Variants in GNG7 observed in about 807,000 individuals in gnomAD.
GNG7 encodes guanine nucleotide-binding protein G(I)/G(S)/G(O) subunit gamma-7.
Under a neutral mutation model 4.0 loss-of-function variants are expected in GNG7, and 1 was observed. The ratio of observed to expected loss-of-function variants is 0.25; its 90% CI spans 0.09 to 1.18. The LOEUF (loss-of-function observed/expected upper bound fraction) is 1.18, where lower values mean the gene tolerates loss of function less well. Ranked by LOEUF, GNG7 falls within the 50% of genes most tolerant of loss-of-function variation. The probability of loss-of-function intolerance (pLI) is 0.50; values close to 1 mark genes in which losing one functional copy is unlikely to be tolerated. For synonymous variants in GNG7, 34 were observed against 36.9 expected (o/e 0.92, Z 0.29); for missense variants, 86 against 91.9 (o/e 0.94, Z 0.26).
chr19:2,527,783 C>CG (rs1978456202), intron 3 of GNG7, among the ~76,000 whole-genome samples: 1 of 151,776 alleles, frequency 6.6e-6, no homozygotes, highest in African/African-American at 2.4e-5. Flanking sequence ...AACCCCCCCC[C>CG]CCACCAGTGC....
At chr19:2,571,232 C>A (rs1980136325) in intron 2 of GNG7, among the ~76,000 whole-genome samples, 1 of 152,304 alleles carries the variant, frequency 6.6e-6, no homozygotes, top group South Asian at 2.1e-4. Flanking sequence ...GGGGGCCTCT[C>A]CAGCACAGAT....
chr19:2,647,659 T>C (rs12462530), intron 1 of GNG7, among the ~76,000 whole-genome samples: 74,828 of 151,854 alleles, frequency 0.49, 18,495 homozygotes, highest in African/African-American at 0.54. Flanking sequence ...TCAAGGTTGC[T>C]GTGAGCTAGG....
intron 2 of GNG7, among the ~76,000 whole-genome samples, chr19:2,589,170 C>T (rs992045142): frequency 1.3e-4 from 19 of 151,966 alleles, no homozygotes; most frequent in Middle Eastern, 3.4e-3. Context: ...TCAGGTGATC[C>T]GCCTGCCTCA....
chr19:2,552,708 A>G (rs952402562), intron 3 of GNG7, among the ~76,000 whole-genome samples: 2 of 151,678 alleles, frequency 1.3e-5, no homozygotes, highest in African/African-American at 4.8e-5. Flanking sequence ...GTTGCAGGAA[A>G]CAAGCTCCGG....
In GNG7 at chr19:2,657,362, ATATATAT is replaced by A. The variant is rs1238173568; in HGVS notation, c.-134-11089_-134-11083del. 1.8e-3 allele frequency among the ~76,000 whole-genome samples: 19 copies of A among 10,754 alleles called. 3 individuals are homozygous for A. The highest frequency in any genetic ancestry group is 0.016 in the East Asian group (1 of 62). The allele number at this position is 10,754 out of a possible 152,430, so 7.1% of individuals were successfully genotyped here. A position where few individuals can be genotyped will look rare whatever the true frequency, so the allele number is the denominator to read the frequency against. On this transcript the variant is annotated intron_variant, in intron 1 of 4. Transcript: ENST00000382159. The stretch of plus-strand genomic sequence containing the variant: ...TAAAAAAAAAAAAAAAAAAAAAAAA[ATATATAT>A]ATATATATATATATATATATATATA...
chr19:2,553,862 A>G (rs536377760), intron 3 of GNG7, among the ~76,000 whole-genome samples: 1 of 138,672 alleles, frequency 7.2e-6, no homozygotes, highest in Non-Finnish European at 1.6e-5. Context: ...TACATATTAT[A>G]TGTAACATTG....
intron 1 of GNG7, among the ~76,000 whole-genome samples, chr19:2,669,248 T>C (rs1308307058): frequency 6.6e-6 from 1 of 152,118 alleles, no homozygotes; most frequent in East Asian, 1.9e-4. Context: ...TCCCAGCACT[T>C]TGGGAGGCTA....
chr19:2,697,037 C>T (rs1244757084), intron 1 of GNG7, among the ~76,000 whole-genome samples: 4 of 152,120 alleles, frequency 2.6e-5, no homozygotes, highest in Non-Finnish European at 5.9e-5. Context: ...GACAGGGTTT[C>T]GCCATGTTGG....
At chr19:2,595,504 CG>C (rs1980990071) in intron 2 of GNG7, among the ~76,000 whole-genome samples, 2 of 151,928 alleles carry the variant, frequency 1.3e-5, no homozygotes, top group Non-Finnish European at 2.9e-5. Flanking sequence ...GAGGCCGAGG[CG>C]GGTGGATTGC....
At chr19:2,663,320 C>G (rs1983224759) in intron 1 of GNG7, among the ~76,000 whole-genome samples, 1 of 151,910 alleles carries the variant, frequency 6.6e-6, no homozygotes, top group African/African-American at 2.4e-5. Flanking sequence ...CTCTTTCTCT[C>G]TCCCTCTCAC....
intron 1 of GNG7, among the ~76,000 whole-genome samples, chr19:2,686,980 C>T (rs1479660109): frequency 6.6e-6 from 1 of 151,422 alleles, no homozygotes; most frequent in Non-Finnish European, 1.5e-5. Context: ...TCTCGATCTC[C>T]TGACCTCGTG....
chr19:2,550,961 C>T (rs991083393), intron 3 of GNG7, among the ~76,000 whole-genome samples: 1 of 152,148 alleles, frequency 6.6e-6, no homozygotes, highest in Admixed American at 6.5e-5. Flanking sequence ...CAGGGCCCGA[C>T]GAGAGCTGCC....
intron 2 of GNG7, among the ~76,000 whole-genome samples, chr19:2,620,083 G>A (rs1981825849): frequency 6.6e-6 from 1 of 151,790 alleles, no homozygotes; most frequent in Non-Finnish European, 1.5e-5. Context: ...TGTATTCGCA[G>A]CTACTTGGGA....
intron 1 of GNG7, among the ~76,000 whole-genome samples, chr19:2,681,129 GC>G (rs1279246239): frequency 1.3e-5 from 2 of 151,656 alleles, no homozygotes; most frequent in African/African-American, 4.8e-5. Flanking sequence ...CTACAGGTGT[GC>G]CCCAGCAGGC....
intron 1 of GNG7, among the ~76,000 whole-genome samples, chr19:2,661,416 G>A (rs560478750): frequency 4.9e-4 from 75 of 151,820 alleles, no homozygotes; most frequent in Non-Finnish European, 1.0e-3. Context: ...CAGCACTCTG[G>A]GAGGCCAAGG....
chr19:2,655,157 C>G (rs1982932636), intron 1 of GNG7, among the ~76,000 whole-genome samples: 1 of 149,572 alleles, frequency 6.7e-6, no homozygotes, highest in Admixed American at 6.7e-5. Context: ...CCACTGCACT[C>G]CAGGCTGGGT....
At chr19:2,642,238 C>G (rs1982527428) in intron 2 of GNG7, 1 of 172,706 alleles carries the variant, frequency 5.8e-6, no homozygotes, top group Admixed American at 5.4e-5. Context: ...CCATCACGGG[C>G]AGTCTTTCCA....
intron 2 of GNG7, among the ~76,000 whole-genome samples, chr19:2,571,234 A>G (rs7249113): frequency 0.45 from 68,320 of 152,020 alleles, 18,847 homozygotes; most frequent in African/African-American, 0.79. Context: ...GGGCCTCTCC[A>G]GCACAGATAA....
At chr19:2,683,799 C>A (rs1168154887) in intron 1 of GNG7, 1 of 152,282 alleles carries the variant, frequency 6.6e-6, no homozygotes, top group Non-Finnish European at 1.5e-5. Flanking sequence ...CCGGCTCTTG[C>A]ACAGGGACGG....
Sources: gnomAD v4.1 joint callset for allele counts (sites outside exome capture counted in the v4.1 genomes callset) on GRCh38, gnomAD v4.1.1 for gene constraint, MANE v1.5 for transcripts, NCBI Gene and HGNC (gene_info 2026-07-23, HGNC 2026-07-21) for gene names.